The following PNPLA7 variants were observed in gnomAD, a reference collection of about 807,000 sequenced individuals.
PNPLA7 encodes patatin like domain 7, lysophospholipase.
Under a neutral mutation model 161.7 loss-of-function variants are expected in PNPLA7, and 153 were observed. The ratio of observed to expected loss-of-function variants is 0.95; its 90% CI spans 0.83 to 1.08. The LOEUF (loss-of-function observed/expected upper bound fraction) is 1.08. Among genes scored for constraint, PNPLA7 ranks in the 50% least tolerant of loss-of-function variants. PNPLA7 has a pLI of 0.00. For synonymous variants in PNPLA7, 809 were observed against 782.1 expected (o/e 1.03, Z -0.57); for missense variants, 1,739 against 1,856.6 (o/e 0.94, Z 1.16).
At chr9:137,471,438 A>G (rs1014507999) in intron 25 of PNPLA7, among the ~76,000 whole-genome samples, 2 of 152,056 alleles carry the variant, frequency 1.3e-5, no homozygotes, top group African/African-American at 4.8e-5. Flanking sequence ...GTCTCTACTA[A>G]AAATACAAAA....
At chr9:137,503,216 C>T (rs35095106) in intron 14 of PNPLA7, among the ~76,000 whole-genome samples, 101,430 of 151,568 alleles carry the variant, frequency 0.67, 34,275 homozygotes, top group African/African-American at 0.74. Context: ...ACCCCGTCTA[C>T]ACTAAAAATA....
At chr9:137,497,108 G>A (rs1157907881) in intron 18 of PNPLA7, 79 bp downstream of exon 18, 7 of 1,358,470 alleles carry the variant, frequency 5.2e-6, no homozygotes, top group Non-Finnish European at 6.7e-6. Context: ...AACTGGCCAG[G>A]CCACACCCAG....
intron 12 of PNPLA7, chr9:137,509,961 A>G: frequency 3.0e-6 from 1 of 333,910 alleles, no homozygotes; most frequent in Non-Finnish European, 6.0e-6. Context: ...TACAATCATA[A>G]CCTAGGAAAA....
rs1433866759 is a variant in PNPLA7 at position 137,497,200 on chromosome 9, T to TA, written c.1999_2000insT (p.Asp667ValfsTer54). 6.3e-7 allele frequency: 1 copy of TA among 1,580,506 alleles called. No individual in the cohort carries two copies. The highest frequency in any genetic ancestry group is 1.4e-5 in the African/African-American group (1 of 73,404). On this transcript the variant is annotated frameshift_variant, in exon 18 of 35. Transcript: ENST00000406427. LOFTEE classifies it high-confidence loss of function. ...CCCAGCACCTACCACGCCGACGAGG[T>TA]CTCCTCGGCCGTACTCCCCGGCCAG...
chr9:137,485,974 G>A (rs990285174), intron 20 of PNPLA7, among the ~76,000 whole-genome samples: 1 of 151,900 alleles, frequency 6.6e-6, no homozygotes, highest in African/African-American at 2.4e-5. Flanking sequence ...TTGAGGGGAC[G>A]GCCTCACTGC....
At chr9:137,502,980 G>A (rs1052187104) in intron 14 of PNPLA7, among the ~76,000 whole-genome samples, 8 of 152,032 alleles carry the variant, frequency 5.3e-5, no homozygotes, top group Non-Finnish European at 1.0e-4. Context: ...AACAAGGTGG[G>A]CTGTGGTGTG....
chr9:137,525,279 T>C (rs185485636), intron 8 of PNPLA7, among the ~76,000 whole-genome samples: 12 of 152,294 alleles, frequency 7.9e-5, no homozygotes, highest in African/African-American at 2.9e-4. Flanking sequence ...TGTTTTTTTC[T>C]TCATGTGCAG....
intron 12 of PNPLA7, among the ~76,000 whole-genome samples, chr9:137,512,891 G>C (rs1296839089): frequency 1.3e-5 from 2 of 151,608 alleles, no homozygotes; most frequent in Non-Finnish European, 2.9e-5. Flanking sequence ...TGAGCCCAGA[G>C]GGTTGAGGCC....
At chr9:137,493,752 C>T (rs1404468512) in intron 19 of PNPLA7, among the ~76,000 whole-genome samples, 1 of 152,234 alleles carries the variant, frequency 6.6e-6, no homozygotes, top group African/African-American at 2.4e-5. Flanking sequence ...GAGGCCCACC[C>T]TGCAGGCCAG....
chr9:137,540,217 C>G lies in PNPLA7; in HGVS notation c.747+425G>C, dbSNP rs1836118220. ...AACCATTCACTGCAACGACGAAAAGCAAAAGACTGGGAGCCACAGAAAGAC... is the reference window on the plus strand; with the variant it reads ...AACCATTCACTGCAACGACGAAAAGGAAAAGACTGGGAGCCACAGAAAGAC... On this transcript the variant is annotated intron_variant, in intron 8 of 34. Transcript: ENST00000406427. This position sits in a 1 kb window ranked among gnomAD's most constrained non-coding sequence, Gnocchi z 5.1. Among the ~76,000 whole-genome samples, 1 of 152,182 alleles carries G rather than the reference C, an allele frequency of 6.6e-6. No homozygotes were observed.
intron 1 of PNPLA7, among the ~76,000 whole-genome samples, chr9:137,549,888 G>T (rs1378285643): frequency 6.6e-6 from 1 of 152,252 alleles, no homozygotes; most frequent in Non-Finnish European, 1.5e-5. Context: ...AAAAGACAAG[G>T]CCTCAGGCAA....
chr9:137,503,977 AG>A, intron 14 of PNPLA7, among the ~76,000 whole-genome samples: 1 of 125,994 alleles, frequency 7.9e-6, no homozygotes, highest in East Asian at 2.4e-4. Flanking sequence ...AAGAAGAAGA[AG>A]GAAGAAGAAA....
At chr9:137,485,607 C>G (rs76518391) in intron 20 of PNPLA7, among the ~76,000 whole-genome samples, 1,724 of 152,378 alleles carry the variant, frequency 0.011, 26 homozygotes, top group African/African-American at 0.04. Flanking sequence ...GGCTAGACAT[C>G]AATAGGCCCG....
rs1014885954 is a variant in PNPLA7 at position 137,547,134 on chromosome 9, T to A, written c.193+175A>T. 6.6e-6 allele frequency among the ~76,000 whole-genome samples: 1 copy of A among 152,164 alleles called. No individual in the cohort carries two copies. Among genetic ancestry groups the A allele is most frequent in the African/African-American group, 2.4e-5 (1 of 41,446 alleles). ...CAGGAGAGGAGAACAGAAAGGGCTCTGAACAGACTTGGCTTCCTGGAACCG... is the reference window on the plus strand; with the variant it reads ...CAGGAGAGGAGAACAGAAAGGGCTCAGAACAGACTTGGCTTCCTGGAACCG... On this transcript the variant is annotated intron_variant, in intron 3 of 34. Transcript: ENST00000406427. This position sits in a 1 kb window ranked among gnomAD's most constrained non-coding sequence, Gnocchi z 4.6.
At chr9:137,518,907 T>C (rs1205197617) in intron 11 of PNPLA7, among the ~76,000 whole-genome samples, 6 of 94,242 alleles carry the variant, frequency 6.4e-5, no homozygotes, top group Non-Finnish European at 8.9e-5. Flanking sequence ...TCCACTCTGC[T>C]CACTCCATCC....
At chr9:137,472,959 AAG>A (rs1215145938) in intron 25 of PNPLA7, among the ~76,000 whole-genome samples, 6 of 151,778 alleles carry the variant, frequency 4.0e-5, no homozygotes, top group African/African-American at 4.8e-5. Context: ...CGTCTCAAAA[AAG>A]AAAAAAAAAT....
In PNPLA7 at chr9:137,490,786, T is replaced by A. The variant is rs1361164082; in HGVS notation, c.2197+2227A>T. On this transcript the variant is annotated intron_variant, in intron 20 of 34. Coordinates refer to ENST00000406427, the MANE Select transcript of PNPLA7 (RefSeq NM_001098537.3). This position sits in a 1 kb window ranked among gnomAD's most constrained non-coding sequence, Gnocchi z 4.1. ...AACATCACAGACTATTCTCCTAAGT[T>A]TTAAAAATCATGTTTGATGGCTGAA... 6.6e-6 allele frequency among the ~76,000 whole-genome samples: 1 copy of A among 152,182 alleles called. No homozygotes were observed. Among genetic ancestry groups the A allele is most frequent in the Non-Finnish European group, 1.5e-5 (1 of 68,030 alleles).
At chr9:137,542,377 G>A (rs1293443724) in intron 7 of PNPLA7, among the ~76,000 whole-genome samples, 5 of 152,118 alleles carry the variant, frequency 3.3e-5, no homozygotes, top group African/African-American at 7.2e-5. Flanking sequence ...AGGCTGAGGC[G>A]GGAGGATCGC....
At position 137,548,802 on chromosome 9, in the gene PNPLA7, C is replaced by T. The variant is rs543513599; in HGVS notation, c.31-1143G>A. 9.8e-5 allele frequency among the ~76,000 whole-genome samples: 15 copies of T among 152,316 alleles called. No individual in the cohort carries two copies. The South Asian group carries it at 2.9e-3, about 29-fold the overall frequency. On this transcript the variant is annotated intron_variant, in intron 1 of 34. Coordinates refer to ENST00000406427, the MANE Select transcript of PNPLA7 (RefSeq NM_001098537.3). ...GAGCACTCAGAAACGCATTTAAAGACACAATTCTGCACCAAGACAGAATGA... is the reference window on the plus strand; with the variant it reads ...GAGCACTCAGAAACGCATTTAAAGATACAATTCTGCACCAAGACAGAATGA...
Sources: gnomAD v4.1 joint callset for allele counts (sites outside exome capture counted in the v4.1 genomes callset) on GRCh38, gnomAD v4.1.1 for gene constraint, Gnocchi (gnomAD v3.1) non-coding constraint, MANE v1.5 for transcripts, NCBI Gene and HGNC (gene_info 2026-07-23, HGNC 2026-07-21) for gene names.